ZNF678: variants seen among roughly 807,000 people sequenced by gnomAD.
ZNF678 encodes the protein zinc finger protein 678, also known as hypothetical protein MGC42493.
A neutral mutation model predicts 3.0 loss-of-function variants in ZNF678; 5 were observed. That is an observed-to-expected ratio of 1.69 (90% CI 0.88 to 3.56). The LOEUF is 3.56. ZNF678 is among the 30% of genes most tolerant of loss of function. ZNF678 has a pLI of 0.00. For missense variants in ZNF678, 593 were observed against 605.0 expected (o/e 0.98, Z 0.21); for synonymous variants, 218 against 199.6 (o/e 1.09, Z -0.78).
At chr1:227,602,123 G>A (rs1015213656) in intron 1 of ZNF678, among the ~76,000 whole-genome samples, 4 of 152,192 alleles carry the variant, frequency 2.6e-5, no homozygotes, top group African/African-American at 9.6e-5. Context: ...AGTGGTTAGA[G>A]AGCATCTTTG....
intron 1 of ZNF678, among the ~76,000 whole-genome samples, chr1:227,630,677 C>A (rs1658526301): frequency 6.6e-6 from 1 of 152,282 alleles, no homozygotes; most frequent in Non-Finnish European, 1.5e-5. Context: ...CTCCTCCTCC[C>A]ACTGCTTGGA....
chr1:227,623,964 A>G (rs1163843617), intron 1 of ZNF678, among the ~76,000 whole-genome samples: 1 of 152,152 alleles, frequency 6.6e-6, no homozygotes, highest in Non-Finnish European at 1.5e-5. Context: ...ATGTTTCCTA[A>G]CTTTTATTAA....
At position 227,647,078 on chromosome 1, in the gene ZNF678, C is replaced by T. The variant is rs142328880; in HGVS notation, c.-37+408C>T. ...GACCAGCCTGGCTAACATGGTGAAACCCCATTTCTACTAAAAATACAAAAA... is the reference window on the plus strand; with the variant it reads ...GACCAGCCTGGCTAACATGGTGAAATCCCATTTCTACTAAAAATACAAAAA... On this transcript the variant is annotated intron_variant, in intron 2 of 3. Transcript: ENST00000343776. Among the ~76,000 whole-genome samples, 868 of 150,674 alleles carry T rather than the reference C, an allele frequency of 5.8e-3. 8 individuals are homozygous for T. The highest frequency in any genetic ancestry group is 0.02 in the African/African-American group (834 of 40,942).
At chr1:227,566,431 C>A (rs555936612) in intron 1 of ZNF678, among the ~76,000 whole-genome samples, 1 of 152,306 alleles carries the variant, frequency 6.6e-6, no homozygotes, top group African/African-American at 2.4e-5. Context: ...AATAACTACT[C>A]CAGTGAGCTG....
At chr1:227,598,392 T>C in intron 1 of ZNF678, 2 of 1,420,176 alleles carry the variant, frequency 1.4e-6, no homozygotes, top group South Asian at 1.5e-5. Flanking sequence ...CATTGCACTT[T>C]CTTTATAAGG....
rs201237726 is a variant in ZNF678, at chr1:227,655,650, G to T, written c.1400G>T (p.Gly467Val). The change falls in exon 4 of 4, where the codon GGC becomes GTC. Residue 467 changes from glycine (G) to valine (V), a missense_variant. Coordinates refer to ENST00000343776, the MANE Select transcript of ZNF678 (RefSeq NM_001367909.1). ...EEKPYKCEEC[G>V]KAFNQFSSLT... The stretch of plus-strand genomic sequence containing the variant: ...AAACCCTACAAATGTGAAGAATGTG[G>T]CAAAGCCTTTAACCAGTTCTCAAGC... 3 of 1,612,706 alleles carry T rather than the reference G, an allele frequency of 1.9e-6. No individual in the cohort carries two copies. Among genetic ancestry groups the T allele is most frequent in the Non-Finnish European group, 2.5e-6 (3 of 1,179,262 alleles).
intron 5 of ZNF678, among the ~76,000 whole-genome samples, chr1:227,673,237 C>G (rs138820941): frequency 1.7e-4 from 26 of 152,304 alleles, no homozygotes; most frequent in African/African-American, 6.3e-4. Context: ...TTTTTCACCT[C>G]TGAGCCTACC....
chr1:227,615,703 T>G (rs1658126970), intron 1 of ZNF678, among the ~76,000 whole-genome samples: 1 of 152,248 alleles, frequency 6.6e-6, no homozygotes, highest in South Asian at 2.1e-4. Flanking sequence ...TTCTCTAGAT[T>G]TATTCACAGA....
At chr1:227,576,542 A>G (rs918881668) in intron 1 of ZNF678, among the ~76,000 whole-genome samples, 2 of 152,312 alleles carry the variant, frequency 1.3e-5, no homozygotes, top group South Asian at 2.1e-4. Flanking sequence ...AGGCATACAT[A>G]ATATTTTCTA....
chr1:227,566,823 C>A (rs1275147833), intron 1 of ZNF678, among the ~76,000 whole-genome samples: 1 of 152,150 alleles, frequency 6.6e-6, no homozygotes, highest in East Asian at 1.9e-4. Flanking sequence ...CCTTTTTCTT[C>A]ATCAGAGTGA....
chr1:227,601,243 C>G (rs1336623910), intron 1 of ZNF678, among the ~76,000 whole-genome samples: 1 of 151,744 alleles, frequency 6.6e-6, no homozygotes, highest in African/African-American at 2.4e-5. Context: ...GCTATTCAGT[C>G]TTTTTTAAAA....
chr1:227,582,317 G>A (rs1032524520), intron 1 of ZNF678, among the ~76,000 whole-genome samples: 1 of 151,576 alleles, frequency 6.6e-6, no homozygotes, highest in African/African-American at 2.4e-5. Flanking sequence ...TATTATATAT[G>A]TATATATGTG....
chr1:227,624,048 A>G (rs1349824755), intron 1 of ZNF678, among the ~76,000 whole-genome samples: 1 of 152,222 alleles, frequency 6.6e-6, no homozygotes, highest in Non-Finnish European at 1.5e-5. Context: ...TACTATAAGT[A>G]GTAGGTAGAT....
chr1:227,601,473 GTTTTTCTTTTTT>G (rs1197466493), intron 1 of ZNF678, among the ~76,000 whole-genome samples: 1 of 149,306 alleles, frequency 6.7e-6, no homozygotes, highest in Non-Finnish European at 1.5e-5. Context: ...GTATTTCTAG[GTTTTTCTTTTTT>G]TTTTTCTTTT....
intron 1 of ZNF678, chr1:227,598,768 T>C: frequency 1.9e-6 from 1 of 531,534 alleles, no homozygotes; most frequent in Non-Finnish European, 3.5e-6. Flanking sequence ...TTCTTTTTCT[T>C]TCTCTGTTTT....
chr1:227,614,591 C>T (rs997413612), intron 1 of ZNF678, among the ~76,000 whole-genome samples: 2 of 152,126 alleles, frequency 1.3e-5, no homozygotes, highest in Non-Finnish European at 2.9e-5. Flanking sequence ...ACCTTCTCAC[C>T]TTTTTTCTTA....
At chr1:227,652,668 T>A (rs1025276429) in intron 3 of ZNF678, among the ~76,000 whole-genome samples, 3 of 152,066 alleles carry the variant, frequency 2.0e-5, no homozygotes, top group Non-Finnish European at 2.9e-5. Context: ...TTTTTCATTA[T>A]TTTTACCCTA....
chr1:227,571,416 A>G (rs1656837782), intron 1 of ZNF678, among the ~76,000 whole-genome samples: 1 of 152,170 alleles, frequency 6.6e-6, no homozygotes, highest in Non-Finnish European at 1.5e-5. Context: ...TTTTTATTTT[A>G]GGGTAGGTTC....
intron 1 of ZNF678, chr1:227,599,155 G>A (rs1315939567): frequency 7.8e-6 from 10 of 1,289,532 alleles, no homozygotes; most frequent in Non-Finnish European, 1.0e-5. Flanking sequence ...TATTCCTCCA[G>A]TTCTAGAATC....
Sources: allele counts gnomAD v4.1 joint callset (sites outside exome capture counted in the v4.1 genomes callset), GRCh38; gene constraint gnomAD v4.1.1; transcripts MANE v1.5; gene names NCBI Gene and HGNC (gene_info 2026-07-23, HGNC 2026-07-21).